Variants in XXYLT1 observed in about 807,000 individuals in gnomAD.
XXYLT1 encodes xyloside xylosyltransferase 1.
XXYLT1 carries 20 observed loss-of-function variants against 28.9 expected under a neutral mutation model. That is an observed-to-expected ratio of 0.69 (90% CI 0.49 to 1.00). The LOEUF (loss-of-function observed/expected upper bound fraction) is 1.00. XXYLT1 is among the 50% of genes least tolerant of loss of function. XXYLT1 has a pLI of 0.00. For synonymous variants in XXYLT1, 257 were observed against 253.8 expected, an observed-to-expected ratio of 1.01 and a Z score of -0.12; for missense variants, 542 against 560.1, an observed-to-expected ratio of 0.97 and a Z score of 0.33.
rs1721219178 is a variant in XXYLT1 at position 195,168,104 on chromosome 3, T to C, written c.653-11523A>G. Among the ~76,000 whole-genome samples, 1 of 152,180 alleles carries C rather than the reference T, an allele frequency of 6.6e-6. No individual in the cohort carries two copies. The highest frequency in any genetic ancestry group is 2.4e-5 in the African/African-American group (1 of 41,450). ...AGGCAAGCGTGAGTAGGTAGGGCCC[T>C]GGGATAGAGCCGTGGCTCACCGGCC... On this transcript the variant is annotated intron_variant, in intron 2 of 3. Coordinates refer to ENST00000310380, the MANE Select transcript of XXYLT1 (RefSeq NM_152531.5). This position sits in a 1 kb window ranked among gnomAD's most constrained non-coding sequence, Gnocchi z 4.3.
chr3:195,246,851 G>A (rs1725044091), intron 1 of XXYLT1, among the ~76,000 whole-genome samples: 1 of 152,096 alleles, frequency 6.6e-6, no homozygotes, highest in African/African-American at 2.4e-5. Flanking sequence ...AGCCCCCACA[G>A]CCACAGCCAG....
At chr3:195,206,881 G>C (rs1158528686) in intron 2 of XXYLT1, among the ~76,000 whole-genome samples, 2 of 152,106 alleles carry the variant, frequency 1.3e-5, no homozygotes, top group Admixed American at 6.5e-5. Context: ...GATGAAAAGG[G>C]GCAGGCCATG....
At chr3:195,138,624 G>A (rs148646607) in intron 3 of XXYLT1, among the ~76,000 whole-genome samples, 9 of 152,244 alleles carry the variant, frequency 5.9e-5, no homozygotes, top group South Asian at 2.1e-4. Context: ...TTGAGAGGCC[G>A]AGGCGGGTGG....
chr3:195,201,773 G>A (rs1373981833), intron 2 of XXYLT1, among the ~76,000 whole-genome samples: 1 of 152,156 alleles, frequency 6.6e-6, no homozygotes, highest in South Asian at 2.1e-4. Context: ...ACAACCTGAG[G>A]CCTAGAAGGT....
At chr3:195,156,955 T>C (rs1005551673) in intron 2 of XXYLT1, among the ~76,000 whole-genome samples, 5 of 152,034 alleles carry the variant, frequency 3.3e-5, no homozygotes, top group Non-Finnish European at 7.4e-5. Flanking sequence ...TACATAAAAC[T>C]CAAAGCGGGC....
rs758022652 is a variant in XXYLT1, at chr3:195,078,004, G to A, written c.786-7893C>T. On this transcript the variant is annotated intron_variant, in intron 3 of 3. Transcript: ENST00000310380. The surrounding 1 kb of genome is among the most constrained non-coding windows in gnomAD (Gnocchi z 5.0). ...CAGTCACATGCAGCCCCGGAGCCTCGGCCCTGGGAGGGGCAAGGGACAGAG... is the reference window on the plus strand; with the variant it reads ...CAGTCACATGCAGCCCCGGAGCCTCAGCCCTGGGAGGGGCAAGGGACAGAG... Among the ~76,000 whole-genome samples the A allele has an allele frequency of 1.5e-3, 221 of 152,160 alleles. 1 individual carries two copies. The highest frequency in any genetic ancestry group is 2.8e-3 in the Non-Finnish European group (188 of 68,026).
intron 2 of XXYLT1, among the ~76,000 whole-genome samples, chr3:195,225,473 G>C (rs1724009414): frequency 6.6e-6 from 1 of 152,088 alleles, no homozygotes; most frequent in Non-Finnish European, 1.5e-5. Flanking sequence ...TGGTCTGCTG[G>C]GCTGGAGGAG....
intron 1 of XXYLT1, among the ~76,000 whole-genome samples, chr3:195,254,794 G>A (rs116318315): frequency 4.7e-4 from 72 of 152,376 alleles, no homozygotes; most frequent in African/African-American, 1.6e-3. Context: ...AAACAGCTGC[G>A]CTGTGCACAT....
intron 2 of XXYLT1, among the ~76,000 whole-genome samples, chr3:195,221,170 G>A (rs1388198305): frequency 3.3e-5 from 5 of 152,140 alleles, no homozygotes; most frequent in East Asian, 1.9e-4. Context: ...ACAGCTGACC[G>A]GTATTTCTCA....
chr3:195,076,821 A>G lies in XXYLT1; in HGVS notation c.786-6710T>C, dbSNP rs1161715485. Among the ~76,000 whole-genome samples the G allele has an allele frequency of 1.3e-5, 2 of 152,034 alleles. No individual in the cohort carries two copies. The highest frequency in any genetic ancestry group is 2.9e-5 in the Non-Finnish European group (2 of 67,986). On this transcript the variant is annotated intron_variant, in intron 3 of 3. Coordinates refer to ENST00000310380, the MANE Select transcript of XXYLT1 (RefSeq NM_152531.5). This position sits in a 1 kb window ranked among gnomAD's most constrained non-coding sequence, Gnocchi z 5.3. ...TGCGTGCACGTGCCTCTGTGTCCAC[A>G]TTGCCCCTTTCTATCAAGACGCCAG... is the stretch of plus-strand genomic sequence containing the variant.
In XXYLT1 at chr3:195,150,385, C is replaced by T. The variant is rs1318135079; in HGVS notation, c.785+6064G>A. 2.6e-5 allele frequency among the ~76,000 whole-genome samples: 4 copies of T among 152,140 alleles called. No homozygotes were observed. The South Asian group carries it at 6.2e-4, about 24-fold the overall frequency. ...GGCGCTCACTCCCTCCCCAACACTCCCCTGGGAGCCCAGCACCAGTCCTTG... is the reference window on the plus strand; with the variant it reads ...GGCGCTCACTCCCTCCCCAACACTCTCCTGGGAGCCCAGCACCAGTCCTTG... On this transcript the variant is annotated intron_variant, in intron 3 of 3. Coordinates refer to ENST00000310380, the MANE Select transcript of XXYLT1 (RefSeq NM_152531.5). This position sits in a 1 kb window ranked among gnomAD's most constrained non-coding sequence, Gnocchi z 4.7.
Position 195,210,082 on chromosome 3 carries a change from C to T in XXYLT1, c.652+16627G>A, listed in dbSNP as rs1256352353. On this transcript the variant is annotated intron_variant, in intron 2 of 3. Transcript: ENST00000310380. This position sits in a 1 kb window ranked among gnomAD's most constrained non-coding sequence, Gnocchi z 4.8. The stretch of plus-strand genomic sequence containing the variant: ...CTGCAGTCCAGGCTGAGGCCCCGGC[C>T]GCCCGCACACCCTGGCCCAGAATGC... 2.0e-5 allele frequency among the ~76,000 whole-genome samples: 3 copies of T among 149,014 alleles called. No individual in the cohort carries two copies. Among genetic ancestry groups the T allele is most frequent in the African/African-American group, 7.8e-5 (3 of 38,334 alleles).
At chr3:195,241,044 T>C (rs920773254) in intron 1 of XXYLT1, among the ~76,000 whole-genome samples, 1 of 152,182 alleles carries the variant, frequency 6.6e-6, no homozygotes, top group Non-Finnish European at 1.5e-5. Context: ...TGCCTCCCAA[T>C]TGGAAATGGC....
At chr3:195,165,395 G>A (rs1721068837) in intron 2 of XXYLT1, among the ~76,000 whole-genome samples, 1 of 152,138 alleles carries the variant, frequency 6.6e-6, no homozygotes, top group African/African-American at 2.4e-5. Flanking sequence ...AGAACAGCCG[G>A]CTTCTCAGCG....
At chr3:195,128,243 G>A (rs116160569) in intron 3 of XXYLT1, among the ~76,000 whole-genome samples, 2,594 of 152,188 alleles carry the variant, frequency 0.017, 80 homozygotes, top group African/African-American at 0.058. Context: ...ACTGACAAAC[G>A]CCTGCACATC....
In XXYLT1 at chr3:195,180,280, C is replaced by CAGGAAAGGTCCCT. The variant is rs1490978017; in HGVS notation, c.653-23712_653-23700dup. The CAGGAAAGGTCCCT allele has an allele frequency of 4.1e-6, 4 of 978,506 alleles. No individual in the cohort carries two copies. Among genetic ancestry groups the CAGGAAAGGTCCCT allele is most frequent in the Non-Finnish European group, 4.9e-6 (4 of 823,670 alleles). 60.6% of individuals were successfully genotyped at this position (978,506 alleles called of 1,614,324 possible). ...AGTGGCACACTCGGTCCCCCAGTTA[C>CAGGAAAGGTCCCT]AGGAAAGGTCCCTTCCATCCTGGGG... On this transcript the variant is annotated intron_variant, in intron 2 of 3. Coordinates refer to ENST00000310380, the MANE Select transcript of XXYLT1 (RefSeq NM_152531.5). This position sits in a 1 kb window ranked among gnomAD's most constrained non-coding sequence, Gnocchi z 5.8.
intron 2 of XXYLT1, among the ~76,000 whole-genome samples, chr3:195,194,068 C>A (rs1387682562): frequency 6.6e-6 from 1 of 151,844 alleles, no homozygotes; most frequent in Non-Finnish European, 1.5e-5. Flanking sequence ...TGAACTTCAA[C>A]ATTAAAAATT....
At chr3:195,118,736 TAG>T (rs879881730) in intron 3 of XXYLT1, among the ~76,000 whole-genome samples, 3 of 152,122 alleles carry the variant, frequency 2.0e-5, no homozygotes, top group Non-Finnish European at 2.9e-5. Flanking sequence ...AACCCAGAAT[TAG>T]AGAGACCTGG....
At chr3:195,267,534 G>A (rs913610087) in intron 1 of XXYLT1, among the ~76,000 whole-genome samples, 3 of 152,114 alleles carry the variant, frequency 2.0e-5, no homozygotes, top group Non-Finnish European at 4.4e-5. Flanking sequence ...TCCTTCTTCC[G>A]AGTCAATACT....
Sources: allele counts gnomAD v4.1 joint callset (sites outside exome capture counted in the v4.1 genomes callset), GRCh38; gene constraint gnomAD v4.1.1; non-coding constraint Gnocchi (gnomAD v3.1); transcripts MANE v1.5; gene names NCBI Gene and HGNC (gene_info 2026-07-23, HGNC 2026-07-21).